FBXO10: variants seen among roughly 807,000 people sequenced by gnomAD.
FBXO10 encodes the protein F-box only protein 10.
FBXO10 carries 39 observed loss-of-function variants against 80.7 expected under a neutral mutation model. The observed-to-expected ratio is 0.48, with a 90% CI of 0.37 to 0.63. The LOEUF is 0.63. Among genes scored for constraint, FBXO10 ranks in the 30% least tolerant of loss-of-function variants. FBXO10 has a pLI of 0.00. For synonymous variants in FBXO10, 449 were observed against 489.6 expected (o/e 0.92, Z 1.09); for missense variants, 1,025 against 1,269.0 (o/e 0.81, Z 2.92).
At chr9:37,561,276 C>T (rs1334931987) in intron 1 of FBXO10, among the ~76,000 whole-genome samples, 3 of 151,682 alleles carry the variant, frequency 2.0e-5, no homozygotes, top group African/African-American at 7.3e-5. Context: ...AACTCCTGGC[C>T]ACAAGTGATC....
chr9:37,518,420 T>C lies in FBXO10; in HGVS notation c.2219A>G (p.Gln740Arg), dbSNP rs1195427814. 2 of 1,603,870 alleles carry C rather than the reference T, an allele frequency of 1.2e-6. No homozygotes were observed. The highest frequency in any genetic ancestry group is 1.7e-6 in the Non-Finnish European group (2 of 1,174,096). The change falls in exon 9 of 11, where the codon CAG (glutamine) becomes CGG (arginine). Residue 740 changes from glutamine (Q) to arginine (R), a missense_variant. Around this residue, in one of 3 missense-constraint regions of FBXO10, gnomAD observed 478 missense variants for 667.8 expected, o/e 0.72. Transcript: ENST00000432825. ...NHNGASGLYV[Q>R]SSEALHVITN... ...GATGACATGCAGTGCCTCGCTGCTC[T>C]GGACATAGAGTCCTGAGGCTATGGG... is the stretch of plus-strand genomic sequence containing the variant.
intron 10 of FBXO10, among the ~76,000 whole-genome samples, chr9:37,514,423 T>C (rs1821133255): frequency 6.6e-6 from 1 of 152,202 alleles, no homozygotes; most frequent in Non-Finnish European, 1.5e-5. Context: ...TCTGCTGGGA[T>C]ATTGGAAGAA....
intron 8 of FBXO10, 29 bp downstream of exon 8, chr9:37,521,540 T>C (rs769427741): frequency 6.5e-7 from 1 of 1,528,274 alleles, no homozygotes. Context: ...TGGAAGGTTC[T>C]TGAGCAGGGG....
In FBXO10 at chr9:37,541,752, A is replaced by G; in HGVS notation, c.17T>C (p.Leu6Pro). Residue 6 changes from leucine to proline, a missense_variant, in exon 2 of 11, where the codon CTC (leucine) becomes CCC (proline). Leu to Pro is a moderately conservative substitution (Grantham distance 98). Transcript: ENST00000432825. ...GATCATGCGCCACAGCTCCAAGGGG[A>G]GGCCACCAGCCTCCATGGTCACCTA... is the stretch of plus-strand genomic sequence containing the variant. MEAGG[L>P]PLELWRMILA... The G allele has an allele frequency of 6.3e-7, 1 of 1,599,492 alleles. No homozygotes were observed. The highest frequency in any genetic ancestry group is 8.5e-7 in the Non-Finnish European group (1 of 1,170,416).
intron 9 of FBXO10, 107 bp downstream of exon 9, chr9:37,518,018 G>T: frequency 8.5e-7 from 1 of 1,173,386 alleles, no homozygotes. Context: ...ACTGTCCCTT[G>T]TAGTGCTGAG....
Position 37,537,917 on chromosome 9 carries a change from G to A in FBXO10, c.612C>T (p.Asp204=), listed in dbSNP as rs1821816941. Residue 204 remains aspartate, a synonymous_variant, in exon 3 of 11, where the codon GAC becomes GAT. Coordinates refer to ENST00000432825, the MANE Select transcript of FBXO10 (RefSeq NM_012166.3). ...TGTGCCCGTTCTCAAAGTTGCAGTT[G>A]TCAAACTGGACGTGACCTGATGTTG... ...YKTTSGHVQF[D]NCNFENGHIQ... The A allele has an allele frequency of 6.2e-7, 1 of 1,613,750 alleles. No individual in the cohort carries two copies. The highest frequency in any genetic ancestry group is 2.2e-5 in the East Asian group (1 of 44,854).
Position 37,541,471 on chromosome 9 carries a change from G to C in FBXO10, c.298C>G (p.Leu100Val). ...LDLESSICFS[L>V]FRRRRERRTL... ...CGTCGTTCCCTCCTCCGGCGGAATA[G>C]AGAAAAGCAGATGGAAGACTCCAAG... Residue 100 changes from leucine (L) to valine (V), a missense_variant, in exon 2 of 11, where the codon CTA becomes GTA. By Grantham distance (32) the Leu-to-Val change is conservative. Transcript: ENST00000432825. 2 of 1,614,026 alleles carry C rather than the reference G, an allele frequency of 1.2e-6. No homozygotes were observed. The highest frequency in any genetic ancestry group is 1.7e-6 in the Non-Finnish European group (2 of 1,179,878).
At position 37,522,699 on chromosome 9, in the gene FBXO10, G is replaced by C. The variant is rs1402596516; in HGVS notation, c.1930+126C>G. ...GGGAGGGCCTGGGTGACTGTGGCCT[G>C]AGAGTGCCTGTTCAGATGAGGTCTT... On this transcript the variant is annotated intron_variant, in intron 7 of 10. Coordinates refer to ENST00000432825, the MANE Select transcript of FBXO10 (RefSeq NM_012166.3). 2.1e-5 allele frequency: 26 copies of C among 1,214,696 alleles called. No homozygotes were observed. The East Asian group carries it at 6.4e-4, about 30-fold the overall frequency. The allele number at this position is 1,214,696 out of a possible 1,614,324, so 75.2% of individuals were successfully genotyped here.
chr9:37,546,733 G>A (rs1244645960), intron 1 of FBXO10, among the ~76,000 whole-genome samples: 1 of 146,874 alleles, frequency 6.8e-6, no homozygotes, highest in Non-Finnish European at 1.5e-5. Context: ...TTTTTTGGAT[G>A]CAGTGGCCAT....
chr9:37,521,797 G>T lies in FBXO10; in HGVS notation c.1972C>A (p.Pro658Thr). Residue 658 changes from proline (P) to threonine (T), a missense_variant, in exon 8 of 11, where the codon CCC becomes ACC. Physicochemically the swap from Pro to Thr is conservative, Grantham distance 38. This residue lies in a region of FBXO10 where 478 missense variants were observed against 667.8 expected (regional missense o/e 0.72). Coordinates refer to ENST00000432825, the MANE Select transcript of FBXO10 (RefSeq NM_012166.3). ...CGVWMMSSSL[P>T]HVTSNHVSYN... ...CTGACGTGGTTGCTGGTGACATGGG[G>T]GAGGCTGGACGACATCATCCACACA... 1 of 1,605,978 alleles carries T rather than the reference G, an allele frequency of 6.2e-7. No homozygotes were observed.
intron 2 of FBXO10, among the ~76,000 whole-genome samples, chr9:37,540,447 G>C (rs1821882446): frequency 6.6e-6 from 1 of 152,086 alleles, no homozygotes. Flanking sequence ...AAAGTGCTGG[G>C]ATTACAGGTG....
rs1275230627 is a variant in FBXO10, at chr9:37,512,620, A to G, written c.2798T>C (p.Met933Thr). The part of the protein sequence containing the change: ...AAHNGQKVTA[M>T]ATRITARVEG... ...CACCCGGGCTGTGATCCTCGTTGCC[A>G]TGGCTGTCACCTTCTGCCCATTGTG... The change falls in exon 11 of 11, where the codon ATG becomes ACG. Residue 933 changes from methionine (M) to threonine (T), a missense_variant. This residue lies in a region of FBXO10 where 97 missense variants were observed against 101.8 expected (regional missense o/e 0.95). Transcript: ENST00000432825. The G allele has an allele frequency of 6.2e-7, 1 of 1,613,978 alleles. No individual in the cohort carries two copies. The highest frequency in any genetic ancestry group is 1.1e-5 in the South Asian group (1 of 91,084).
intron 7 of FBXO10, 44 bp downstream of exon 7, chr9:37,522,781 T>G: frequency 6.5e-7 from 1 of 1,548,254 alleles, no homozygotes. Flanking sequence ...AGATGGAACC[T>G]GGGCTTCCTG....
chr9:37,521,939 G>T, intron 7 of FBXO10, 101 bp from the exon 8 acceptor site: 1 of 1,340,176 alleles, frequency 7.5e-7, no homozygotes, highest in East Asian at 2.5e-5. Flanking sequence ...CTGGGAGAGA[G>T]TCCCTGCCTT....
intron 1 of FBXO10, chr9:37,575,382 A>C (rs1822867523): frequency 6.6e-6 from 1 of 152,244 alleles, no homozygotes; most frequent in Admixed American, 6.5e-5. Context: ...TATTCTGCTG[A>C]AAAAGCCCTT....
chr9:37,540,251 C>T (rs148204109), intron 2 of FBXO10, among the ~76,000 whole-genome samples: 1 of 151,946 alleles, frequency 6.6e-6, no homozygotes, highest in Non-Finnish European at 1.5e-5. Flanking sequence ...GCGATGGCAC[C>T]ATCTCAGCTC....
At chr9:37,574,696 G>A (rs943665021) in intron 1 of FBXO10, among the ~76,000 whole-genome samples, 1 of 152,214 alleles carries the variant, frequency 6.6e-6, no homozygotes, top group Non-Finnish European at 1.5e-5. Context: ...CAGCTGTTAT[G>A]AGGTAAGCTC....
intron 9 of FBXO10, 119 bp from the exon 10 acceptor site, chr9:37,516,204 G>T: frequency 8.7e-7 from 1 of 1,150,988 alleles, no homozygotes; most frequent in Non-Finnish European, 1.2e-6. Flanking sequence ...GCAGGTCAGT[G>T]AAGAGCCTAT....
intron 1 of FBXO10, among the ~76,000 whole-genome samples, chr9:37,542,863 T>C (rs74463835): frequency 1.3e-5 from 2 of 152,216 alleles, no homozygotes; most frequent in Non-Finnish European, 2.9e-5. Context: ...TGATTTGGGC[T>C]TCTGTGACTT....
Sources: gnomAD v4.1 joint callset for allele counts (sites outside exome capture counted in the v4.1 genomes callset) on GRCh38, gnomAD v4.1.1 for gene constraint, gnomAD v4.1.1 regional missense constraint, MANE v1.5 for transcripts, NCBI Gene and HGNC (gene_info 2026-07-23, HGNC 2026-07-21) for gene names.